Variants in DCDC1 observed in about 807,000 individuals in gnomAD.
DCDC1 encodes the protein doublecortin domain containing 1.
Under a neutral mutation model 178.3 loss-of-function variants are expected in DCDC1, and 200 were observed. That is an observed-to-expected ratio of 1.12 (90% CI 1.00 to 1.26). The LOEUF is 1.26. Among genes scored for constraint, DCDC1 ranks in the 50% most tolerant of loss-of-function variants. The probability of loss-of-function intolerance (pLI) is 0.00; values close to 1 mark genes in which losing one functional copy is unlikely to be tolerated. For synonymous variants in DCDC1, 690 were observed against 604.8 expected (o/e 1.14, Z -2.07); for missense variants, 1,983 against 1,749.2 (o/e 1.13, Z -2.38).
At chr11:31,118,331 A>C (rs915349934) in intron 11 of DCDC1, among the ~76,000 whole-genome samples, 8 of 152,206 alleles carry the variant, frequency 5.3e-5, no homozygotes, top group African/African-American at 1.7e-4. Flanking sequence ...CTTACTATCT[A>C]TAATAAAACA....
chr11:31,338,753 A>C (rs544293911), intron 1 of DCDC1, among the ~76,000 whole-genome samples: 21 of 152,298 alleles, frequency 1.4e-4, no homozygotes, highest in Non-Finnish European at 2.8e-4. Context: ...CATGGCTTAA[A>C]GCTGGAATAG....
At chr11:31,308,539 C>A (rs1948592218) in intron 3 of DCDC1, among the ~76,000 whole-genome samples, 1 of 152,140 alleles carries the variant, frequency 6.6e-6, no homozygotes, top group Admixed American at 6.6e-5. Flanking sequence ...CTGTTCAGGA[C>A]TATCCTGGTT....
At chr11:31,053,653 AG>A (rs1955406089) in intron 20 of DCDC1, among the ~76,000 whole-genome samples, 1 of 152,130 alleles carries the variant, frequency 6.6e-6, no homozygotes, top group African/African-American at 2.4e-5. Context: ...GTTTCATACC[AG>A]GGATGGTTTA....
At chr11:31,013,838 C>T (rs1231829931) in intron 20 of DCDC1, among the ~76,000 whole-genome samples, 9 of 152,206 alleles carry the variant, frequency 5.9e-5, no homozygotes, top group Non-Finnish European at 1.2e-4. Context: ...TCCAAACCAA[C>T]TCCAAAGTTA....
At chr11:31,099,394 C>T (rs1425205372) in intron 15 of DCDC1, among the ~76,000 whole-genome samples, 1 of 152,160 alleles carries the variant, frequency 6.6e-6, no homozygotes, top group African/African-American at 2.4e-5. Flanking sequence ...TGGCTCCTTG[C>T]TTTCTACAGA....
At chr11:31,196,420 G>C (rs1465446541) in intron 9 of DCDC1, among the ~76,000 whole-genome samples, 1 of 151,864 alleles carries the variant, frequency 6.6e-6, no homozygotes, top group Admixed American at 6.6e-5. Flanking sequence ...GACCAATTCT[G>C]CCACCAATCA....
At chr11:31,078,909 A>G (rs1401993044) in intron 17 of DCDC1, among the ~76,000 whole-genome samples, 1 of 151,492 alleles carries the variant, frequency 6.6e-6, no homozygotes, top group African/African-American at 2.4e-5. Context: ...AATAAGCCAA[A>G]CTTTGGAAAC....
intron 25 of DCDC1, among the ~76,000 whole-genome samples, chr11:30,920,311 A>G (rs1946155311): frequency 6.6e-6 from 1 of 152,244 alleles, no homozygotes; most frequent in Admixed American, 6.5e-5. Flanking sequence ...ATTGTACATT[A>G]GAAAGTTAAT....
chr11:31,218,101 G>A (rs533295911), intron 9 of DCDC1, among the ~76,000 whole-genome samples: 1 of 150,766 alleles, frequency 6.6e-6, no homozygotes, highest in East Asian at 1.9e-4. Context: ...TTTATCTTTT[G>A]TCATTTGCTT....
At chr11:31,306,482 C>A in intron 4 of DCDC1, 94 bp from the exon 5 acceptor site, 1 of 1,322,958 alleles carries the variant, frequency 7.6e-7, no homozygotes, top group Non-Finnish European at 9.9e-7. Context: ...CAGATATAAG[C>A]ACTAAAGATT....
chr11:30,883,478 C>T (rs1257242793), intron 36 of DCDC1: 3 of 461,040 alleles, frequency 6.5e-6, no homozygotes, highest in Admixed American at 2.5e-5. Context: ...AACTTTCCTG[C>T]TCCAAATAAA....
intron 20 of DCDC1, among the ~76,000 whole-genome samples, chr11:30,972,840 T>A (rs1949882831): frequency 6.6e-6 from 1 of 152,148 alleles, no homozygotes; most frequent in African/African-American, 2.4e-5. Context: ...AATCTCATGT[T>A]CAATTATAAT....
chr11:31,250,415 C>CATATATATATATATATATATAT (rs753411919), intron 8 of DCDC1, among the ~76,000 whole-genome samples: 1 of 73,666 alleles, frequency 1.4e-5, no homozygotes, highest in African/African-American at 5.2e-5. Context: ...CACACACACA[C>CATATATATATATATATATATAT]ATATACATAT....
At chr11:31,222,597 T>G (rs991071436) in intron 9 of DCDC1, among the ~76,000 whole-genome samples, 4 of 152,172 alleles carry the variant, frequency 2.6e-5, no homozygotes, top group African/African-American at 9.6e-5. Context: ...GCTGGGTGAT[T>G]TAAACAGGGA....
intron 26 of DCDC1, 36 bp from the exon 27 acceptor site, chr11:30,915,747 T>C: frequency 6.3e-7 from 1 of 1,580,866 alleles, no homozygotes; most frequent in Non-Finnish European, 8.6e-7. Context: ...GGCAGAAAAA[T>C]GTCCCATGCA....
chr11:30,897,659 A>G (rs1944343279), intron 34 of DCDC1, among the ~76,000 whole-genome samples: 2 of 152,166 alleles, frequency 1.3e-5, no homozygotes, highest in Non-Finnish European at 2.9e-5. Flanking sequence ...AGAATTTAAT[A>G]AAGGCAGCCA....
intron 9 of DCDC1, among the ~76,000 whole-genome samples, chr11:31,203,710 A>C (rs534339486): frequency 5.3e-5 from 8 of 152,326 alleles, no homozygotes; most frequent in African/African-American, 1.9e-4. Flanking sequence ...ATAAACCTAT[A>C]AGGAATAGAT....
intron 8 of DCDC1, among the ~76,000 whole-genome samples, chr11:31,249,188 T>C (rs895628667): frequency 6.6e-6 from 1 of 152,138 alleles, no homozygotes; most frequent in East Asian, 1.9e-4. Flanking sequence ...GATGATTATA[T>C]CTTCATGAAT....
At chr11:31,358,777 T>C (rs7925305) in intron 1 of DCDC1, among the ~76,000 whole-genome samples, 107,286 of 151,742 alleles carry the variant, frequency 0.71, 39,335 homozygotes, top group African/African-American at 0.9. Context: ...GGGCAAAGGA[T>C]ATGAACAGAC....
Sources: allele counts gnomAD v4.1 joint callset (sites outside exome capture counted in the v4.1 genomes callset), GRCh38; gene constraint gnomAD v4.1.1; transcripts MANE v1.5; gene names NCBI Gene and HGNC (gene_info 2026-07-23, HGNC 2026-07-21).